Variants in ATM observed in about 807,000 individuals in gnomAD.
The protein encoded by ATM is ATM serine/threonine kinase, also known as serine-protein kinase ATM.
Under a neutral mutation model 387.0 loss-of-function variants are expected in ATM, and 308 were observed. The ratio of observed to expected loss-of-function variants is 0.80; its 90% CI spans 0.73 to 0.87. The LOEUF is 0.87. Among genes scored for constraint, ATM ranks in the 40% least tolerant of loss-of-function variants. The pLI is 0.00. For missense variants in ATM, 3,312 were observed against 3,560.9 expected, an observed-to-expected ratio of 0.93 and a Z score of 1.78; for synonymous variants, 1,156 against 1,187.3, an observed-to-expected ratio of 0.97 and a Z score of 0.54.
chr11:108,270,034 A>G (rs1384804567), intron 18 of ATM, among the ~76,000 whole-genome samples: 1 of 152,232 alleles, frequency 6.6e-6, no homozygotes, highest in African/African-American at 2.4e-5. Context: ...TCCTTTGTTA[A>G]TATCTGAAAA....
chr11:108,265,165 G>A (rs1454866026), intron 16 of ATM, among the ~76,000 whole-genome samples: 1 of 151,552 alleles, frequency 6.6e-6, no homozygotes, highest in African/African-American at 2.4e-5. Flanking sequence ...AAAAGAGCCC[G>A]CATCGGCAAG....
rs863224582 is a variant in ATM, at chr11:108,365,190, G to C, written c.8959G>C (p.Asp2987His). The change falls in exon 62 of 63, where the codon GAT becomes CAT. Residue 2987 changes from aspartate (D) to histidine (H), a missense_variant. Asp to His is a moderately conservative substitution (Grantham distance 81). Coordinates refer to ENST00000675843, the MANE Select transcript of ATM (RefSeq NM_000051.4). ...ETELHPTLNA[D>H]DQECKRNLSD... Reference sequence around the variant, plus strand: ...TGAGCTTCACCCTACTCTGAATGCAGATGACCAAGAATGCAAACGAAATCT... The same window carrying C: ...TGAGCTTCACCCTACTCTGAATGCACATGACCAAGAATGCAAACGAAATCT... 6.2e-7 allele frequency: 1 copy of C among 1,614,216 alleles called. No individual in the cohort carries two copies. Among genetic ancestry groups the C allele is most frequent in the Non-Finnish European group, 8.5e-7 (1 of 1,180,038 alleles).
At chr11:108,240,051 A>G (rs1461382753) in intron 5 of ATM, among the ~76,000 whole-genome samples, 5 of 152,208 alleles carry the variant, frequency 3.3e-5, no homozygotes, top group African/African-American at 1.2e-4. Context: ...TACTGTCAAC[A>G]TCTTGCACCA....
At chr11:108,321,264 C>A (rs2085186012) in intron 44 of ATM, 37 bp from the exon 45 acceptor site, 1 of 1,610,002 alleles carries the variant, frequency 6.2e-7, no homozygotes, top group Non-Finnish European at 8.5e-7. Flanking sequence ...AAAACCTCTT[C>A]TTTATTTTCA....
intron 5 of ATM, among the ~76,000 whole-genome samples, chr11:108,239,538 A>AT (rs2079457500): frequency 6.6e-6 from 1 of 152,200 alleles, no homozygotes; most frequent in African/African-American, 2.4e-5. Context: ...TTGTTAATTC[A>AT]TTCGTCCATT....
In ATM at chr11:108,317,395, G is replaced by C. The variant is rs2136163585; in HGVS notation, c.6221G>C (p.Cys2074Ser). Reference sequence around the variant, plus strand: ...TAGGCCTTGCAGAATTTGGGACTCTGCCATATTCTTTCCGTCTATTTAAAA... The same window carrying C: ...TAGGCCTTGCAGAATTTGGGACTCTCCCATATTCTTTCCGTCTATTTAAAA... ...IIQALQNLGL[C>S]HILSVYLKGL... is the part of the protein sequence containing the mutation. The change falls in exon 43 of 63, where the codon TGC becomes TCC. Residue 2074 changes from cysteine (C) to serine (S), a missense_variant. Physicochemically the swap from Cys to Ser is moderately radical, Grantham distance 112 (BLOSUM62 -1). Transcript: ENST00000675843. 1 of 1,611,788 alleles carries C rather than the reference G, an allele frequency of 6.2e-7. No homozygotes were observed. Among genetic ancestry groups the C allele is most frequent in the South Asian group, 1.1e-5 (1 of 91,036 alleles).
At chr11:108,273,937 A>G (rs931570830) in intron 22 of ATM, among the ~76,000 whole-genome samples, 34 of 152,198 alleles carry the variant, frequency 2.2e-4, no homozygotes, top group Non-Finnish European at 4.4e-5. Flanking sequence ...GAATAGTTTC[A>G]GAAGGAATGG....
chr11:108,224,268 G>A (rs2078630870), intron 1 of ATM: 1 of 152,182 alleles, frequency 6.6e-6, no homozygotes, highest in Non-Finnish European at 1.5e-5. Flanking sequence ...TGACTACAGA[G>A]GCCACACTCC....
chr11:108,270,424 C>T (rs1182392204), intron 18 of ATM, among the ~76,000 whole-genome samples: 3 of 152,116 alleles, frequency 2.0e-5, no homozygotes, highest in Admixed American at 6.5e-5. Context: ...TATTGAATTC[C>T]ACAATAGAAG....
chr11:108,223,178 A>G lies in ATM; in HGVS notation c.-39A>G, dbSNP rs2078572198. 2.4e-5 allele frequency: 4 copies of G among 166,242 alleles called. No individual in the cohort carries two copies. The South Asian group carries it at 5.1e-4, about 21-fold the overall frequency. 10.3% of individuals were successfully genotyped at this position (166,242 alleles called of 1,614,324 possible). ...CGGTTGATACTACTTTGACCTTCCG[A>G]GTGCAGTGGTAGGGGCGCGGAGGCA... On this transcript the variant is annotated 5_prime_UTR_variant, in exon 1 of 63. Coordinates refer to ENST00000675843, the MANE Select transcript of ATM (RefSeq NM_000051.4).
intron 34 of ATM, among the ~76,000 whole-genome samples, chr11:108,301,127 A>G (rs1221913693): frequency 6.6e-6 from 1 of 152,118 alleles, no homozygotes; most frequent in Non-Finnish European, 1.5e-5. Flanking sequence ...AGAGAGTGCC[A>G]CAGAAAATTT....
At chr11:108,234,814 C>G (rs1219499966) in intron 4 of ATM, among the ~76,000 whole-genome samples, 2 of 150,722 alleles carry the variant, frequency 1.3e-5, no homozygotes, top group Non-Finnish European at 2.9e-5. Flanking sequence ...GCACACCAGC[C>G]TGGGTGATAG....
At chr11:108,332,084 C>T (rs1285902092) in intron 52 of ATM, 47 bp downstream of exon 52, 3 of 1,599,746 alleles carry the variant, frequency 1.9e-6, no homozygotes, top group Middle Eastern at 1.7e-4. Context: ...GATATTCAGT[C>T]TTTCCTAGAA....
At chr11:108,282,097 G>A (rs1287611711) in intron 24 of ATM, among the ~76,000 whole-genome samples, 1 of 151,848 alleles carries the variant, frequency 6.6e-6, no homozygotes, top group Non-Finnish European at 1.5e-5. Context: ...GAGTAGCTGG[G>A]ACTACAGGCA....
intron 38 of ATM, among the ~76,000 whole-genome samples, chr11:108,309,907 G>C (rs2083999088): frequency 6.6e-6 from 1 of 152,112 alleles, no homozygotes; most frequent in Non-Finnish European, 1.5e-5. Context: ...TGTATCAGGT[G>C]ATAGTCTACA....
chr11:108,261,087 G>A (rs1462204058), intron 16 of ATM, among the ~76,000 whole-genome samples: 1 of 152,232 alleles, frequency 6.6e-6, no homozygotes, highest in African/African-American at 2.4e-5. Context: ...GCCCAGGCTT[G>A]ATTAGGTAAA....
chr11:108,295,562 C>A (rs1352924717), intron 32 of ATM: 1 of 158,430 alleles, frequency 6.3e-6, no homozygotes. Context: ...GTCTCGAATT[C>A]TTGGCCTCAA....
chr11:108,345,703 A>G, intron 57 of ATM, 40 bp from the exon 58 acceptor site: 1 of 1,434,676 alleles, frequency 7.0e-7, no homozygotes, highest in Non-Finnish European at 9.5e-7. Flanking sequence ...TTAATTGAAC[A>G]CAATATTGAA....
intron 1 of ATM, 170 bp downstream of exon 1, chr11:108,223,356 AC>A (rs2078583450): frequency 6.6e-6 from 1 of 152,484 alleles, no homozygotes; most frequent in African/African-American, 2.4e-5. Context: ...TGCTTAGCGG[AC>A]TTGGCCAATA....
Sources: gnomAD v4.1 joint callset for allele counts (sites outside exome capture counted in the v4.1 genomes callset) on GRCh38, gnomAD v4.1.1 for gene constraint, MANE v1.5 for transcripts, NCBI Gene and HGNC (gene_info 2026-07-23, HGNC 2026-07-21) for gene names.